The following PIEZO2 variants were observed in gnomAD, a reference collection of about 807,000 sequenced individuals.
PIEZO2 encodes piezo type mechanosensitive ion channel component 2.
A neutral mutation model predicts 337.3 loss-of-function variants in PIEZO2; 172 were observed. The observed-to-expected ratio is 0.51, with a 90% confidence interval of 0.45 to 0.58. The LOEUF (loss-of-function observed/expected upper bound fraction) is 0.58. PIEZO2 is among the 20% of genes least tolerant of loss of function. The pLI is 0.00. For missense variants in PIEZO2, 3,028 were observed against 3,391.3 expected (o/e 0.89, Z 2.66); for synonymous variants, 1,251 against 1,228.5 (o/e 1.02, Z -0.38).
In PIEZO2 at chr18:10,962,191, A is replaced by G. The variant is rs529149366; in HGVS notation, c.286+17344T>C. On this transcript the variant is annotated intron_variant, in intron 3 of 55. Transcript: ENST00000674853. This position sits in a 1 kb window ranked among gnomAD's most constrained non-coding sequence, Gnocchi z 4.1. ...GAATTATTTCCAGATGCTCTGTTCA[A>G]TGAAAGAGTCTTAAAAATAATGCAA... is the stretch of plus-strand genomic sequence containing the variant. Among the ~76,000 whole-genome samples, 8 of 152,350 alleles carry G rather than the reference A, an allele frequency of 5.3e-5. No individual in the cohort carries two copies. The highest frequency in any genetic ancestry group is 3.4e-3 in the Middle Eastern group (1 of 294).
At chr18:11,022,886 A>G (rs923051837) in intron 2 of PIEZO2, among the ~76,000 whole-genome samples, 9 of 151,524 alleles carry the variant, frequency 5.9e-5, no homozygotes, top group Non-Finnish European at 8.8e-5. Flanking sequence ...GTTCCTTCTG[A>G]TGTTCGGATG....
intron 3 of PIEZO2, among the ~76,000 whole-genome samples, chr18:10,967,067 A>G (rs2034039179): frequency 7.3e-6 from 1 of 137,314 alleles, no homozygotes; most frequent in East Asian, 2.1e-4. Flanking sequence ...ACCCAGGCTC[A>G]AGTGCAGTGG....
intron 1 of PIEZO2, among the ~76,000 whole-genome samples, chr18:11,103,899 C>T (rs2039487953): frequency 6.6e-6 from 1 of 151,984 alleles, no homozygotes; most frequent in Non-Finnish European, 1.5e-5. Context: ...AATCTCGGCT[C>T]ACTGCAACCT....
Position 11,035,566 on chromosome 18 carries a change from G to T in PIEZO2, c.160+30561C>A, listed in dbSNP as rs185457056. On this transcript the variant is annotated intron_variant, in intron 2 of 55. Transcript: ENST00000674853. The surrounding 1 kb of genome is among the most constrained non-coding windows in gnomAD (Gnocchi z 4.3). The stretch of plus-strand genomic sequence containing the variant: ...AACACAACTCCTCTTGCCAGCAGGG[G>T]ACACATGCAATTTACTTGGCAGCTA... Among the ~76,000 whole-genome samples, 3 of 152,152 alleles carry T rather than the reference G, an allele frequency of 2.0e-5. No homozygotes were observed. The highest frequency in any genetic ancestry group is 6.5e-5 in the Admixed American group (1 of 15,272).
intron 1 of PIEZO2, among the ~76,000 whole-genome samples, chr18:11,073,743 G>A (rs946922068): frequency 6.6e-6 from 1 of 151,980 alleles, no homozygotes; most frequent in East Asian, 1.9e-4. Context: ...AGCTTTAAAT[G>A]CTATTATTTA....
intron 10 of PIEZO2, among the ~76,000 whole-genome samples, chr18:10,800,728 G>C (rs887569494): frequency 1.3e-5 from 2 of 152,184 alleles, no homozygotes; most frequent in Non-Finnish European, 2.9e-5. Context: ...ACCATGCTTC[G>C]CACCTGCTGT....
At position 10,899,407 on chromosome 18, in the gene PIEZO2, C is replaced by T. The variant is rs2042986412; in HGVS notation, c.329+11779G>A. Among the ~76,000 whole-genome samples the T allele has an allele frequency of 6.6e-6, 1 of 152,104 alleles. No homozygotes were observed. The highest frequency in any genetic ancestry group is 1.5e-5 in the Non-Finnish European group (1 of 68,014). ...ATTTGGATGGAAAACTCAAACACTT[C>T]CTATGAAATCCACCTAATAAAAGCT... is the stretch of plus-strand genomic sequence containing the variant. On this transcript the variant is annotated intron_variant, in intron 4 of 55. Transcript: ENST00000674853. This position sits in a 1 kb window ranked among gnomAD's most constrained non-coding sequence, Gnocchi z 4.6.
rs948112459 is a variant in PIEZO2, at chr18:10,795,867, C to G, written c.1528-865G>C. Among the ~76,000 whole-genome samples the G allele has an allele frequency of 6.6e-6, 1 of 152,060 alleles. No individual in the cohort carries two copies. The highest frequency in any genetic ancestry group is 2.4e-5 in the African/African-American group (1 of 41,398). On this transcript the variant is annotated intron_variant, in intron 12 of 55. Transcript: ENST00000674853. This position sits in a 1 kb window ranked among gnomAD's most constrained non-coding sequence, Gnocchi z 4.4. ...TTTTAAACAAGAATATTAGGTTTCT[C>G]AAAAATAAATCAAATTTCCTAAGAA... is the stretch of plus-strand genomic sequence containing the variant.
intron 14 of PIEZO2, among the ~76,000 whole-genome samples, chr18:10,790,542 T>C (rs1381702287): frequency 1.3e-5 from 2 of 152,188 alleles, no homozygotes; most frequent in African/African-American, 4.8e-5. Flanking sequence ...CATTGTGGTA[T>C]ACTATTGTTA....
At position 11,094,917 on chromosome 18, in the gene PIEZO2, C is replaced by A. The variant is rs953351291; in HGVS notation, c.65-28695G>T. Among the ~76,000 whole-genome samples, 2 of 152,246 alleles carry A rather than the reference C, an allele frequency of 1.3e-5. No homozygotes were observed. The highest frequency in any genetic ancestry group is 2.9e-5 in the Non-Finnish European group (2 of 68,042). On this transcript the variant is annotated intron_variant, in intron 1 of 55. Transcript: ENST00000674853. This position sits in a 1 kb window ranked among gnomAD's most constrained non-coding sequence, Gnocchi z 4.4. The stretch of plus-strand genomic sequence containing the variant: ...AGCCATCTGAGGAACTCTGTCCCCT[C>A]TTCCTACAGCTCCAAAAGCCACCCG...
intron 37 of PIEZO2, among the ~76,000 whole-genome samples, chr18:10,717,080 C>G (rs1467734445): frequency 1.3e-5 from 2 of 152,142 alleles, no homozygotes; most frequent in Non-Finnish European, 2.9e-5. Flanking sequence ...GTTCAAATCC[C>G]AACTCTACTC....
At position 10,705,496 on chromosome 18, in the gene PIEZO2, C is replaced by G; in HGVS notation, c.5839G>C (p.Ala1947Pro). The change falls in exon 41 of 56, where the codon GCT becomes CCT. Residue 1947 changes from alanine to proline, a missense_variant. Physicochemically the swap from Ala to Pro is conservative, Grantham distance 27. Around this residue, in one of 5 missense-constraint regions of PIEZO2, gnomAD observed 1,925 missense variants for 2,051.9 expected, o/e 0.94. Coordinates refer to ENST00000674853, the MANE Select transcript of PIEZO2 (RefSeq NM_001378183.1). ...AAGGACAGATGCTCGAAGCTCACAG[C>G]CTTGCTGTAGGAGGGTGGGGCCTCC... ...DVEAPPSYSK[A>P]VSFEHLSFGS... is the part of the protein sequence containing the mutation. The G allele has an allele frequency of 6.5e-7, 1 of 1,537,250 alleles. No homozygotes were observed. Among genetic ancestry groups the G allele is most frequent in the Non-Finnish European group, 8.7e-7 (1 of 1,146,902 alleles).
chr18:10,768,722 G>A (rs1183992382), intron 21 of PIEZO2, among the ~76,000 whole-genome samples: 1 of 151,790 alleles, frequency 6.6e-6, no homozygotes, highest in African/African-American at 2.4e-5. Flanking sequence ...TCCCAAGAGT[G>A]TAACAAGGTA....
intron 7 of PIEZO2, among the ~76,000 whole-genome samples, chr18:10,831,114 G>T (rs2040830869): frequency 6.6e-6 from 1 of 152,104 alleles, no homozygotes. Context: ...AAAACAGTAC[G>T]GAGGTTCCTC....
intron 3 of PIEZO2, among the ~76,000 whole-genome samples, chr18:10,924,367 G>A (rs751172104): frequency 6.6e-6 from 1 of 152,150 alleles, no homozygotes; most frequent in Non-Finnish European, 1.5e-5. Flanking sequence ...GTGTATTAAG[G>A]TCAAATCCAT....
Position 11,116,091 on chromosome 18 carries a change from C to A in PIEZO2, c.64+32434G>T, listed in dbSNP as rs1225684142. Reference sequence around the variant, plus strand: ...ACAGTGTTTAGAGCTAAATAACAAACATAATACAGTACCCTGTAAAGATAC... The same window carrying A: ...ACAGTGTTTAGAGCTAAATAACAAAAATAATACAGTACCCTGTAAAGATAC... On this transcript the variant is annotated intron_variant, in intron 1 of 55. Transcript: ENST00000674853. The surrounding 1 kb of genome is among the most constrained non-coding windows in gnomAD (Gnocchi z 5.0). Among the ~76,000 whole-genome samples the A allele has an allele frequency of 6.6e-6, 1 of 152,130 alleles. No individual in the cohort carries two copies. The highest frequency in any genetic ancestry group is 2.4e-5 in the African/African-American group (1 of 41,438).
At chr18:10,844,536 G>C (rs986931221) in intron 7 of PIEZO2, among the ~76,000 whole-genome samples, 1 of 151,768 alleles carries the variant, frequency 6.6e-6, no homozygotes, top group African/African-American at 2.4e-5. Context: ...CGCCTGTAAT[G>C]CCAGCACTTT....
Position 10,903,426 on chromosome 18 carries a change from G to A in PIEZO2, c.329+7760C>T, listed in dbSNP as rs144362947. On this transcript the variant is annotated intron_variant, in intron 4 of 55. Transcript: ENST00000674853. The surrounding 1 kb of genome is among the most constrained non-coding windows in gnomAD (Gnocchi z 4.1). ...CTCACGCCTGTAATCCCAGCACTTT[G>A]AGAGGCCAAGGCGGGCGGATCATGA... Among the ~76,000 whole-genome samples, 1,234 of 152,250 alleles carry A rather than the reference G, an allele frequency of 8.1e-3. 20 individuals are homozygous for A. The highest frequency in any genetic ancestry group is 0.028 in the African/African-American group (1,181 of 41,532).
intron 16 of PIEZO2, 144 bp downstream of exon 16, chr18:10,786,892 A>C: frequency 2.5e-6 from 2 of 815,520 alleles, no homozygotes; most frequent in Non-Finnish European, 3.7e-6. Context: ...GAACACAAAA[A>C]CGACTCAGTT....
Sources: gnomAD v4.1 joint callset for allele counts (sites outside exome capture counted in the v4.1 genomes callset) on GRCh38, gnomAD v4.1.1 for gene constraint, gnomAD v4.1.1 regional missense constraint, Gnocchi (gnomAD v3.1) non-coding constraint, MANE v1.5 for transcripts, NCBI Gene and HGNC (gene_info 2026-07-23, HGNC 2026-07-21) for gene names.